Variants in ADGRL2 observed in about 807,000 individuals in gnomAD.
ADGRL2 encodes adhesion G protein-coupled receptor L2.
In ADGRL2, 44 loss-of-function variants were observed where a neutral mutation model predicts 157.4. That is an observed-to-expected ratio of 0.28 (90% confidence interval 0.22 to 0.36). ADGRL2 has a LOEUF of 0.36. Ranked by LOEUF, ADGRL2 falls within the 10% of genes least tolerant of loss-of-function variation. ADGRL2 has a pLI of 1.00. For synonymous variants in ADGRL2, 585 were observed against 624.7 expected, an observed-to-expected ratio of 0.94 and a Z score of 0.95; for missense variants, 1,510 against 1,768.9, an observed-to-expected ratio of 0.85 and a Z score of 2.63.
chr1:81,403,681 G>C (rs1300350939), intron 1 of ADGRL2, among the ~76,000 whole-genome samples: 1 of 151,972 alleles, frequency 6.6e-6, no homozygotes, highest in Non-Finnish European at 1.5e-5. Context: ...ATTTAGAGAT[G>C]CCAAAATGCA....
intron 3 of ADGRL2, among the ~76,000 whole-genome samples, chr1:81,643,056 A>G (rs1256304133): frequency 6.6e-6 from 1 of 152,198 alleles, no homozygotes; most frequent in Non-Finnish European, 1.5e-5. Context: ...CTGCTTTTCA[A>G]TATCATACTG....
At chr1:81,944,759 G>A (rs1649232415) in intron 6 of ADGRL2, among the ~76,000 whole-genome samples, 1 of 151,916 alleles carries the variant, frequency 6.6e-6, no homozygotes, top group African/African-American at 2.4e-5. Context: ...GTGGGGCAGA[G>A]ACTAATATAT....
intron 2 of ADGRL2, among the ~76,000 whole-genome samples, chr1:81,537,792 C>A (rs527725222): frequency 2.0e-5 from 3 of 151,772 alleles, no homozygotes; most frequent in Middle Eastern, 3.4e-3. Flanking sequence ...CTCCACCTCC[C>A]AGGTTCAAGT....
chr1:81,657,399 A>G (rs1233326037), intron 3 of ADGRL2, among the ~76,000 whole-genome samples: 2 of 152,226 alleles, frequency 1.3e-5, no homozygotes, highest in African/African-American at 4.8e-5. Flanking sequence ...TGGACTTCGC[A>G]GCCTCCAGAA....
intron 1 of ADGRL2, among the ~76,000 whole-genome samples, chr1:81,342,843 A>G (rs1662173118): frequency 6.6e-6 from 1 of 152,102 alleles, no homozygotes. Flanking sequence ...GGGAATTTAG[A>G]TTTGGGCTCA....
At chr1:81,703,820 T>G (rs2083648630) in intron 1 of ADGRL2, among the ~76,000 whole-genome samples, 1 of 152,236 alleles carries the variant, frequency 6.6e-6, no homozygotes, top group Non-Finnish European at 1.5e-5. Flanking sequence ...GTTTACATTT[T>G]CCAATATCAG....
intron 1 of ADGRL2, among the ~76,000 whole-genome samples, chr1:81,737,645 C>A (rs915735213): frequency 6.6e-6 from 1 of 152,098 alleles, no homozygotes; most frequent in Non-Finnish European, 1.5e-5. Context: ...AGATTATTTT[C>A]GTGTATTTAT....
chr1:81,721,537 C>T (rs2084319976), intron 1 of ADGRL2, among the ~76,000 whole-genome samples: 1 of 152,100 alleles, frequency 6.6e-6, no homozygotes, highest in Admixed American at 6.5e-5. Flanking sequence ...GGAACGATCT[C>T]TTGAGCCCAG....
intron 1 of ADGRL2, among the ~76,000 whole-genome samples, chr1:81,822,443 G>C (rs1389161478): frequency 6.6e-6 from 1 of 151,294 alleles, no homozygotes; most frequent in Admixed American, 6.6e-5. Flanking sequence ...TATTTTTAGT[G>C]TACTTTGAAA....
chr1:81,743,537 G>A (rs1025262046), intron 1 of ADGRL2, among the ~76,000 whole-genome samples: 2 of 151,766 alleles, frequency 1.3e-5, no homozygotes, highest in Admixed American at 1.3e-4. Flanking sequence ...TGTACCTTAG[G>A]AATTATTATT....
At position 81,766,400 on chromosome 1, in the gene ADGRL2, T is replaced by A. The variant is rs540530793; in HGVS notation, c.-101+4548T>A. ...CATTTTATATCTTCAAATATACAAA[T>A]CAAAATATTTTAAAAGTAAATAGAT... is the stretch of plus-strand genomic sequence containing the variant. On this transcript the variant is annotated intron_variant, in intron 2 of 20. Coordinates refer to the ADGRL2 transcript ENST00000359929. Among the ~76,000 whole-genome samples the A allele has an allele frequency of 1.4e-3, 218 of 152,296 alleles. 6 individuals carry two copies. The South Asian group carries it at 0.041, about 29-fold the overall frequency.
intron 2 of ADGRL2, among the ~76,000 whole-genome samples, chr1:81,862,686 G>C (rs1397016660): frequency 6.6e-6 from 1 of 152,154 alleles, no homozygotes; most frequent in African/African-American, 2.4e-5. Context: ...TTTAGGGAAA[G>C]AAGAATAATA....
intron 1 of ADGRL2, among the ~76,000 whole-genome samples, chr1:81,733,522 G>A (rs1459778752): frequency 6.6e-6 from 1 of 152,144 alleles, no homozygotes; most frequent in African/African-American, 2.4e-5. Context: ...GTTTATAAGG[G>A]TACCAGTCAG....
intron 3 of ADGRL2, among the ~76,000 whole-genome samples, chr1:81,932,185 A>G (rs192403524): frequency 1.4e-4 from 22 of 152,314 alleles, no homozygotes; most frequent in African/African-American, 3.4e-4. Context: ...CATATTCTCA[A>G]AAGTTTTATT....
intron 2 of ADGRL2, among the ~76,000 whole-genome samples, chr1:81,477,156 T>TG (rs890477102): frequency 1.3e-4 from 20 of 152,374 alleles, no homozygotes; most frequent in African/African-American, 4.8e-4. Context: ...ATGGTTTACA[T>TG]GTGTCATATC....
intron 2 of ADGRL2, among the ~76,000 whole-genome samples, chr1:81,878,746 G>T (rs968522203): frequency 1.3e-5 from 2 of 152,094 alleles, no homozygotes; most frequent in Admixed American, 6.5e-5. Flanking sequence ...CACATAAAAG[G>T]CTAAAAGCTA....
intron 3 of ADGRL2, among the ~76,000 whole-genome samples, chr1:81,621,494 G>A (rs1420030325): frequency 6.6e-6 from 1 of 152,192 alleles, no homozygotes; most frequent in African/African-American, 2.4e-5. Context: ...GAGTGCCAAG[G>A]AATACAAGTG....
chr1:81,379,355 G>C (rs113236919), intron 1 of ADGRL2, among the ~76,000 whole-genome samples: 16 of 152,278 alleles, frequency 1.1e-4, no homozygotes, highest in African/African-American at 3.6e-4. Flanking sequence ...ATGTTACAGG[G>C]TGCTCTTTTA....
intron 3 of ADGRL2, among the ~76,000 whole-genome samples, chr1:81,590,484 G>A (rs1388937195): frequency 6.6e-6 from 1 of 151,868 alleles, no homozygotes; most frequent in African/African-American, 2.4e-5. Flanking sequence ...CTTCCCTGTG[G>A]CCCCTGTTAA....
Sources: allele counts gnomAD v4.1 joint callset (sites outside exome capture counted in the v4.1 genomes callset), GRCh38; gene constraint gnomAD v4.1.1; transcripts MANE v1.5; gene names NCBI Gene and HGNC (gene_info 2026-07-23, HGNC 2026-07-21).